DNAI3: variants seen among roughly 807,000 people sequenced by gnomAD.
DNAI3 encodes the protein WD repeat domain 63.
Under a neutral mutation model 115.5 loss-of-function variants are expected in DNAI3, and 83 were observed. That is an observed-to-expected ratio of 0.72 (90% CI 0.60 to 0.86). The LOEUF is 0.86. DNAI3 is among the 40% of genes least tolerant of loss of function. The pLI, the probability that DNAI3 is intolerant of heterozygous loss-of-function variation, is 0.00. For synonymous variants in DNAI3, 320 were observed against 347.0 expected, an observed-to-expected ratio of 0.92 and a Z score of 0.86; for missense variants, 1,004 against 1,075.8, an observed-to-expected ratio of 0.93 and a Z score of 0.93.
intron 1 of DNAI3, among the ~76,000 whole-genome samples, chr1:85,063,719 A>G (rs904372814): frequency 6.6e-6 from 1 of 152,216 alleles, no homozygotes; most frequent in Non-Finnish European, 1.5e-5. Context: ...GAGACTTGAT[A>G]AGAGATGCAT....
At chr1:85,076,660 A>G (rs1056859636) in intron 3 of DNAI3, among the ~76,000 whole-genome samples, 1 of 152,158 alleles carries the variant, frequency 6.6e-6, no homozygotes, top group African/African-American at 2.4e-5. Flanking sequence ...ATCAGGTCTC[A>G]TGAGACTTAT....
At chr1:85,121,675 A>T (rs2100611740) in intron 17 of DNAI3, 76 bp from the exon 18 acceptor site, 1 of 1,367,774 alleles carries the variant, frequency 7.3e-7, no homozygotes. Flanking sequence ...TTAACAGTCA[A>T]TCTTAGCACA....
intron 22 of DNAI3, among the ~76,000 whole-genome samples, chr1:85,132,074 T>TA (rs796974376): frequency 1.1e-4 from 17 of 152,152 alleles, no homozygotes; most frequent in African/African-American, 3.6e-4. Context: ...ATTGAGAACA[T>TA]AAAAAAAGTC....
chr1:85,122,394 A>G (rs989686645), intron 18 of DNAI3, among the ~76,000 whole-genome samples: 6 of 152,172 alleles, frequency 3.9e-5, no homozygotes, highest in African/African-American at 1.4e-4. Context: ...TCCAGGCGGG[A>G]GAAGGAACTG....
intron 16 of DNAI3, among the ~76,000 whole-genome samples, chr1:85,110,519 C>CG (rs1415240332): frequency 6.7e-6 from 1 of 149,172 alleles, no homozygotes; most frequent in Non-Finnish European, 1.5e-5. Context: ...CTGATTATGA[C>CG]TAACGTGAGT....
chr1:85,130,566 A>G (rs1656279504), intron 22 of DNAI3, among the ~76,000 whole-genome samples: 1 of 152,138 alleles, frequency 6.6e-6, no homozygotes. Context: ...GAATACTAAT[A>G]ACTAGGATTA....
In DNAI3 at chr1:85,069,431, A is replaced by G. The variant is rs572019515; in HGVS notation, c.-14-2497A>G. On this transcript the variant is annotated intron_variant, in intron 1 of 22. Transcript: ENST00000294664. ...CTTCCCCTAGAATGTGAGCTTGCAC[A>G]AGGGGTTTTGCCTATTTTGTTCACT... Among the ~76,000 whole-genome samples the G allele has an allele frequency of 1.9e-4, 29 of 152,260 alleles. No individual in the cohort carries two copies. The South Asian group carries it at 6.0e-3, about 32-fold the overall frequency.
At chr1:85,071,559 G>A (rs1654274068) in intron 1 of DNAI3, among the ~76,000 whole-genome samples, 1 of 152,178 alleles carries the variant, frequency 6.6e-6, no homozygotes, top group Admixed American at 6.5e-5. Context: ...GCTACCTGTT[G>A]GGAAGCCCAG....
intron 1 of DNAI3, among the ~76,000 whole-genome samples, chr1:85,063,776 G>T (rs1654011692): frequency 6.6e-6 from 1 of 152,174 alleles, no homozygotes; most frequent in Non-Finnish European, 1.5e-5. Context: ...GTTCTGGTTA[G>T]AACAGAGGCA....
intron 7 of DNAI3, among the ~76,000 whole-genome samples, chr1:85,088,050 G>T (rs1654850127): frequency 6.6e-6 from 1 of 152,124 alleles, no homozygotes; most frequent in Non-Finnish European, 1.5e-5. Flanking sequence ...TCCTGGCAGG[G>T]AAGGAGGACA....
At chr1:85,121,852 C>G in intron 18 of DNAI3, 38 bp downstream of exon 18, 1 of 1,605,190 alleles carries the variant, frequency 6.2e-7, no homozygotes, top group East Asian at 2.2e-5. Flanking sequence ...ATAAGATGTT[C>G]CTTTTAATTT....
At position 85,124,251 on chromosome 1, in the gene DNAI3, G is replaced by A. The variant is rs1264029887; in HGVS notation, c.2112G>A (p.Met704Ile). Residue 704 changes from methionine (M) to isoleucine (I), a missense_variant and splice_region_variant, in exon 19 of 23, where the codon ATG (methionine) becomes ATA (isoleucine). Met to Ile is a conservative substitution (Grantham distance 10). Around this residue, in one of 3 missense-constraint regions of DNAI3, gnomAD observed 429 missense variants for 454.3 expected, o/e 0.94. Coordinates refer to ENST00000294664, the MANE Select transcript of DNAI3 (RefSeq NM_145172.5). ...WNVAIWKEGV[M>I]TGPLLQSCCA... ...TGGCCATATGGAAAGAAGGTGTTAT[G>A]GTAAGTTGCCTGCAAAATGGAAGCA... 1.3e-6 allele frequency: 2 copies of A among 1,543,060 alleles called. No homozygotes were observed. The highest frequency in any genetic ancestry group is 3.3e-5 in the African/African-American group (2 of 60,514).
intron 1 of DNAI3, among the ~76,000 whole-genome samples, chr1:85,063,233 G>A (rs1375780763): frequency 6.6e-6 from 1 of 152,088 alleles, no homozygotes; most frequent in Non-Finnish European, 1.5e-5. Context: ...GGAAGTCAGG[G>A]AGGCTTTCGG....
rs750127280 is a variant in DNAI3, at chr1:85,131,444, C to CAAAAAA, written c.2532+1346_2532+1351dup. ...GGGCAACAAGAGCGAAACTCCATCTCAAAAAAAAAAAAAAAAAAATAAAGC... is the reference window on the plus strand; with the variant it reads ...GGGCAACAAGAGCGAAACTCCATCTCAAAAAAAAAAAAAAAAAAAAAAAAATAAAGC... On this transcript the variant is annotated intron_variant, in intron 22 of 22. Coordinates refer to ENST00000294664, the MANE Select transcript of DNAI3 (RefSeq NM_145172.5). 2.4e-4 allele frequency among the ~76,000 whole-genome samples: 4 copies of CAAAAAA among 16,868 alleles called. 1 individual carries two copies. Among genetic ancestry groups the CAAAAAA allele is most frequent in the African/African-American group, 3.5e-4 (2 of 5,700 alleles). 11.1% of individuals were successfully genotyped at this position (16,868 alleles called of 152,430 possible). A position where few individuals can be genotyped will look rare whatever the true frequency, so the allele number is the denominator to read the frequency against.
intron 6 of DNAI3, 29 bp from the exon 7 acceptor site, chr1:85,085,802 G>A: frequency 6.2e-7 from 1 of 1,605,852 alleles, no homozygotes; most frequent in South Asian, 1.1e-5. Flanking sequence ...ACTTCATTAT[G>A]TTACCTTTAC....
At chr1:85,070,661 T>C (rs1174345885) in intron 1 of DNAI3, among the ~76,000 whole-genome samples, 2 of 152,240 alleles carry the variant, frequency 1.3e-5, no homozygotes, top group Non-Finnish European at 2.9e-5. Flanking sequence ...TTTCAGATGA[T>C]GGATAATCCC....
At chr1:85,074,224 GGC>G (rs1654379095) in intron 3 of DNAI3, among the ~76,000 whole-genome samples, 1 of 152,134 alleles carries the variant, frequency 6.6e-6, no homozygotes, top group Non-Finnish European at 1.5e-5. Flanking sequence ...TAGTTCCCAA[GGC>G]TCCTATTTGA....
At chr1:85,108,856 A>G (rs1655573129) in intron 15 of DNAI3, among the ~76,000 whole-genome samples, 1 of 152,196 alleles carries the variant, frequency 6.6e-6, no homozygotes, top group African/African-American at 2.4e-5. Flanking sequence ...TTGATATTTC[A>G]TGTATAAACA....
intron 10 of DNAI3, among the ~76,000 whole-genome samples, chr1:85,094,815 C>T (rs150579098): frequency 6.6e-6 from 1 of 152,084 alleles, no homozygotes; most frequent in African/African-American, 2.4e-5. Context: ...AAAACAAACT[C>T]TTTTATGGAC....
Sources: allele counts gnomAD v4.1 joint callset (sites outside exome capture counted in the v4.1 genomes callset), GRCh38; gene constraint gnomAD v4.1.1; regional missense constraint gnomAD v4.1.1; transcripts MANE v1.5; gene names NCBI Gene and HGNC (gene_info 2026-07-23, HGNC 2026-07-21).